Variants in ZFHX3 observed in about 807,000 individuals in gnomAD.
ZFHX3 encodes the protein zinc finger homeobox protein 3.
Under a neutral mutation model 279.1 loss-of-function variants are expected in ZFHX3, and 42 were observed. The ratio of observed to expected loss-of-function variants is 0.15; its 90% CI spans 0.12 to 0.19. The LOEUF (loss-of-function observed/expected upper bound fraction) is 0.19. Ranked by LOEUF, ZFHX3 falls within the 10% of genes least tolerant of loss-of-function variation. The probability of loss-of-function intolerance (pLI) is 1.00; values close to 1 mark genes in which losing one functional copy is unlikely to be tolerated. For synonymous variants in ZFHX3, 2,293 were observed against 1,957.8 expected (o/e 1.17, Z -4.52); for missense variants, 4,981 against 4,754.0 (o/e 1.05, Z -1.40).
intron 4 of ZFHX3, among the ~76,000 whole-genome samples, chr16:72,860,138 T>G (rs1041878714): frequency 3.3e-5 from 5 of 152,200 alleles, no homozygotes; most frequent in African/African-American, 1.2e-4. Flanking sequence ...ACCGATTATA[T>G]TTTAACAGAT....
At chr16:73,019,852 T>C (rs1053384831) in intron 1 of ZFHX3, among the ~76,000 whole-genome samples, 3 of 152,214 alleles carry the variant, frequency 2.0e-5, no homozygotes, top group Non-Finnish European at 4.4e-5. Context: ...TTTATTTGTT[T>C]AGCCCACTGG....
At chr16:73,805,901 A>G (rs1488117947) in intron 1 of ZFHX3, among the ~76,000 whole-genome samples, 2 of 152,234 alleles carry the variant, frequency 1.3e-5, no homozygotes, top group Admixed American at 1.3e-4. Flanking sequence ...ACTTCAGTGA[A>G]ATGAGGGAAC....
intron 3 of ZFHX3, among the ~76,000 whole-genome samples, chr16:73,451,922 T>G (rs2018287128): frequency 6.6e-6 from 1 of 152,224 alleles, no homozygotes; most frequent in Non-Finnish European, 1.5e-5. Context: ...AAGATTTTGC[T>G]TAAGTTGCCA....
chr16:72,968,008 G>T (rs1961928967), intron 1 of ZFHX3, among the ~76,000 whole-genome samples: 1 of 134,684 alleles, frequency 7.4e-6, no homozygotes, highest in African/African-American at 2.6e-5. Flanking sequence ...CTTAATTATA[G>T]CAGGAAAAAA....
intron 3 of ZFHX3, among the ~76,000 whole-genome samples, chr16:72,949,406 G>A (rs1200152038): frequency 6.6e-6 from 1 of 152,168 alleles, no homozygotes; most frequent in Non-Finnish European, 1.5e-5. Flanking sequence ...GAGATTTATG[G>A]CGATTTGTAC....
chr16:73,168,279 C>CTTTCTTTCTTTCTA (rs1555502322), intron 5 of ZFHX3, among the ~76,000 whole-genome samples: 2 of 143,642 alleles, frequency 1.4e-5, no homozygotes, highest in African/African-American at 2.6e-5. Context: ...TTCTTTCTTT[C>CTTTCTTTCTTTCTA]GAGACAAAGT....
intron 3 of ZFHX3, among the ~76,000 whole-genome samples, chr16:73,416,766 AG>A (rs2017593344): frequency 2.8e-5 from 4 of 140,468 alleles, no homozygotes; most frequent in Admixed American, 7.1e-5. Context: ...CCCAGCTACC[AG>A]GGAGGCTGAA....
intron 5 of ZFHX3, among the ~76,000 whole-genome samples, chr16:73,161,317 T>A (rs921293822): frequency 2.0e-5 from 3 of 152,142 alleles, no homozygotes; most frequent in African/African-American, 7.2e-5. Context: ...CTCTCCTTCA[T>A]AAAGTCGTCT....
At position 72,787,039 on chromosome 16, in the gene ZFHX3, C is replaced by G. The variant is rs199608275; in HGVS notation, c.*125G>C. Reference sequence around the variant, plus strand: ...ACAACCCACGCTTTTTCTTTTTTTTCTTTTTTTTTTTTTTTTTGTTTTTTG... The same window carrying G: ...ACAACCCACGCTTTTTCTTTTTTTTGTTTTTTTTTTTTTTTTTGTTTTTTG... On this transcript the variant is annotated 3_prime_UTR_variant, in exon 10 of 10. Coordinates refer to ENST00000268489, the MANE Select transcript of ZFHX3 (RefSeq NM_006885.4). The G allele has an allele frequency of 4.6e-4, 318 of 684,894 alleles. No homozygotes were observed. The highest frequency in any genetic ancestry group is 3.8e-3 in the South Asian group (58 of 15,314). The allele number at this position is 684,894 out of a possible 1,614,324, so 42.4% of individuals were successfully genotyped here. A position where few individuals can be genotyped will look rare whatever the true frequency, so the allele number is the denominator to read the frequency against.
intron 1 of ZFHX3, among the ~76,000 whole-genome samples, chr16:73,737,184 C>T (rs897538160): frequency 6.6e-6 from 1 of 152,148 alleles, no homozygotes; most frequent in Admixed American, 6.5e-5. Context: ...CAGGCACATG[C>T]TACCACACCC....
intron 3 of ZFHX3, among the ~76,000 whole-genome samples, chr16:73,334,310 G>A (rs1330507800): frequency 6.6e-6 from 1 of 152,172 alleles, no homozygotes; most frequent in Non-Finnish European, 1.5e-5. Flanking sequence ...CCATTTTCAC[G>A]GAGGTAGGCA....
intron 2 of ZFHX3, among the ~76,000 whole-genome samples, chr16:73,538,728 G>A (rs2019954005): frequency 3.3e-5 from 5 of 152,212 alleles, no homozygotes; most frequent in Admixed American, 2.6e-4. Flanking sequence ...TCCCACCTTC[G>A]CAAGCTTGAC....
At position 72,796,631 on chromosome 16, in the gene ZFHX3, C is replaced by A. The variant is rs62639994; in HGVS notation, c.6051G>T (p.Arg2017Ser). The A allele has an allele frequency of 1.2e-5, 20 of 1,613,898 alleles. No individual in the cohort carries two copies. The African/African-American group carries it at 2.4e-4, about 19-fold the overall frequency. Residue 2017 changes from arginine (R) to serine (S), a missense_variant, in exon 9 of 10, where the codon AGG (arginine) becomes AGT (serine). Around this residue, in one of 7 missense-constraint regions of ZFHX3, gnomAD observed 1,751 missense variants for 1,770.0 expected, o/e 0.99. Transcript: ENST00000268489. ...QNYFPFKQLE[R>S]FAKQYRDHYD... is the part of the protein sequence containing the mutation. Reference sequence around the variant, plus strand: ...AGTGGTCTCTGTACTGTTTGGCAAACCTCTCGAGCTGTTTGAAAGGAAAGT... The same window carrying A: ...AGTGGTCTCTGTACTGTTTGGCAAAACTCTCGAGCTGTTTGAAAGGAAAGT...
intron 3 of ZFHX3, among the ~76,000 whole-genome samples, chr16:73,335,300 A>AT (rs2015891319): frequency 6.6e-6 from 1 of 152,168 alleles, no homozygotes; most frequent in Admixed American, 6.5e-5. Flanking sequence ...TTTTTCCAGA[A>AT]ATTTTACAAT....
intron 1 of ZFHX3, among the ~76,000 whole-genome samples, chr16:73,018,516 T>C (rs1964185300): frequency 1.3e-5 from 2 of 152,042 alleles, no homozygotes; most frequent in Admixed American, 6.5e-5. Flanking sequence ...GGAGGATCGC[T>C]TGAACCCAGG....
chr16:72,855,322 C>T (rs1322127226), intron 4 of ZFHX3, among the ~76,000 whole-genome samples: 4 of 152,148 alleles, frequency 2.6e-5, no homozygotes, highest in Admixed American at 1.3e-4. Context: ...AGCGCGTGCA[C>T]GCGTGTGAAA....
In ZFHX3 at chr16:73,197,924, GTTTTTTTTTTTTTTT is replaced by G. The variant is rs71156148; in HGVS notation, c.-1103-54108_-1103-54094del. On this transcript the variant is annotated intron_variant, in intron 5 of 17. Transcript: ENST00000641206. ...GATAAGTAGAGTATCTGATTTGGTG[GTTTTTTTTTTTTTTT>G]TTTTTTTTTTTTTTTTGAGATGGAG... is the stretch of plus-strand genomic sequence containing the variant. Among the ~76,000 whole-genome samples, 61 of 53,788 alleles carry G rather than the reference GTTTTTTTTTTTTTTT, an allele frequency of 1.1e-3. 1 individual carries two copies. Among genetic ancestry groups the G allele is most frequent in the African/African-American group, 2.8e-3 (41 of 14,422 alleles). 35.3% of individuals were successfully genotyped at this position (53,788 alleles called of 152,430 possible). A position where few individuals can be genotyped will look rare whatever the true frequency, so the allele number is the denominator to read the frequency against.
chr16:73,121,800 A>T (rs753134909), intron 7 of ZFHX3, among the ~76,000 whole-genome samples: 3 of 151,784 alleles, frequency 2.0e-5, no homozygotes, highest in Non-Finnish European at 4.4e-5. Flanking sequence ...TATTTTTAGT[A>T]GAGACGGGGT....
chr16:73,345,932 G>A (rs958564140), intron 3 of ZFHX3, among the ~76,000 whole-genome samples: 1 of 152,112 alleles, frequency 6.6e-6, no homozygotes, highest in Non-Finnish European at 1.5e-5. Flanking sequence ...AGAACATGTT[G>A]GTTCTGGGTT....
Sources: gnomAD v4.1 joint callset for allele counts (sites outside exome capture counted in the v4.1 genomes callset) on GRCh38, gnomAD v4.1.1 for gene constraint, gnomAD v4.1.1 regional missense constraint, MANE v1.5 for transcripts, NCBI Gene and HGNC (gene_info 2026-07-23, HGNC 2026-07-21) for gene names.